Variants in COL24A1 observed in about 807,000 individuals in gnomAD.
COL24A1 encodes collagen type XXIV alpha 1 chain.
In COL24A1, 224 loss-of-function variants were observed where a neutral mutation model predicts 253.9. That is an observed-to-expected ratio of 0.88 (90% confidence interval 0.79 to 0.99). COL24A1 has a LOEUF of 0.99. Among genes scored for constraint, COL24A1 ranks in the 50% least tolerant of loss-of-function variants. The pLI is 0.00. For synonymous variants in COL24A1, 685 were observed against 673.7 expected, an observed-to-expected ratio of 1.02 and a Z score of -0.26; for missense variants, 2,131 against 2,068.5, an observed-to-expected ratio of 1.03 and a Z score of -0.59.
chr1:85,926,065 A>G (rs1425225801), intron 24 of COL24A1, among the ~76,000 whole-genome samples: 2 of 152,226 alleles, frequency 1.3e-5, no homozygotes, highest in Non-Finnish European at 2.9e-5. Context: ...CAACAGACAC[A>G]TGAAAAAAAT....
intron 20 of COL24A1, among the ~76,000 whole-genome samples, chr1:85,980,997 T>C (rs1353272372): frequency 6.6e-6 from 1 of 152,094 alleles, no homozygotes; most frequent in African/African-American, 2.4e-5. Context: ...AAAGAAATCA[T>C]AGATGACATA....
intron 14 of COL24A1, 42 bp from the exon 15 acceptor site, chr1:86,023,049 T>C (rs1162647731): frequency 6.3e-7 from 1 of 1,582,494 alleles, no homozygotes; most frequent in South Asian, 1.1e-5. Context: ...AAGCATTCAT[T>C]AGGATTAGAA....
At chr1:85,922,969 G>A (rs1269469126) in intron 24 of COL24A1, among the ~76,000 whole-genome samples, 8 of 145,798 alleles carry the variant, frequency 5.5e-5, no homozygotes, top group African/African-American at 1.8e-4. Context: ...ATGGATGGAG[G>A]AAGATCTACC....
chr1:86,111,941 C>T (rs189999161), intron 5 of COL24A1, among the ~76,000 whole-genome samples: 5 of 152,286 alleles, frequency 3.3e-5, no homozygotes, highest in Non-Finnish European at 1.5e-5. Context: ...GTCCGAACAT[C>T]AGAAGGAACA....
intron 39 of COL24A1, among the ~76,000 whole-genome samples, chr1:85,843,104 C>A (rs1558354424): frequency 6.6e-6 from 1 of 152,132 alleles, no homozygotes; most frequent in East Asian, 1.9e-4. Flanking sequence ...AGTCTCAAAA[C>A]AAATAGAAGA....
chr1:85,849,348 A>C lies in COL24A1; in HGVS notation c.3354+5T>G, dbSNP rs1046128193. 6.2e-7 allele frequency: 1 copy of C among 1,612,306 alleles called. No individual in the cohort carries two copies. Among genetic ancestry groups the C allele is most frequent in the African/African-American group, 1.3e-5 (1 of 74,868 alleles). On this transcript the variant is annotated splice_donor_5th_base_variant and intron_variant, in intron 38 of 59. Transcript: ENST00000370571. ...AAACCTGCATAAGAAGATGTAAAAA[A>C]TTACCTTTTTTCCTGGACGACCTCT...
chr1:85,830,896 G>C (rs186226928), intron 43 of COL24A1, among the ~76,000 whole-genome samples: 1 of 152,134 alleles, frequency 6.6e-6, no homozygotes, highest in African/African-American at 2.4e-5. Context: ...CGTTGCTCAC[G>C]CTGGGAGCTG....
At chr1:86,149,253 T>G (rs1403815546) in intron 1 of COL24A1, among the ~76,000 whole-genome samples, 1 of 152,178 alleles carries the variant, frequency 6.6e-6, no homozygotes, top group East Asian at 1.9e-4. Context: ...CCACAGAGAT[T>G]CTGATTTTAA....
chr1:86,125,456 T>C lies in COL24A1; in HGVS notation c.880A>G (p.Ile294Val). Residue 294 changes from isoleucine (I) to valine (V), a missense_variant, in exon 3 of 60, where the codon ATA becomes GTA. Transcript: ENST00000370571. ...TACACGGTTTCAGAATCATTTTTTA[T>C]GATATTTGGAATGCTTTTGCCTTCA... The part of the protein sequence containing the change: ...FTEGKSIPNI[I>V]KNDSETVYKR... 6.2e-7 allele frequency: 1 copy of C among 1,613,694 alleles called. No individual in the cohort carries two copies. Among genetic ancestry groups the C allele is most frequent in the Non-Finnish European group, 8.5e-7 (1 of 1,179,800 alleles).
At chr1:86,026,220 A>G (rs1698011051) in intron 14 of COL24A1, among the ~76,000 whole-genome samples, 1 of 152,230 alleles carries the variant, frequency 6.6e-6, no homozygotes, top group Non-Finnish European at 1.5e-5. Context: ...AGGAGCAAAT[A>G]AGATATGTAT....
chr1:86,140,921 A>T (rs975191704), intron 2 of COL24A1, among the ~76,000 whole-genome samples: 2 of 152,240 alleles, frequency 1.3e-5, no homozygotes, highest in African/African-American at 4.8e-5. Flanking sequence ...TACATCTATT[A>T]ATAAGGTACT....
At chr1:86,115,644 C>T (rs895715100) in intron 3 of COL24A1, among the ~76,000 whole-genome samples, 1 of 152,152 alleles carries the variant, frequency 6.6e-6, no homozygotes, top group Non-Finnish European at 1.5e-5. Flanking sequence ...AAAGGGACCA[C>T]AACTAGTAGT....
At chr1:86,132,371 T>A (rs1405375799) in intron 2 of COL24A1, among the ~76,000 whole-genome samples, 3 of 152,184 alleles carry the variant, frequency 2.0e-5, no homozygotes, top group Non-Finnish European at 2.9e-5. Flanking sequence ...TTAGTGTAGT[T>A]AGATCCCATT....
rs1699648793 is a variant in COL24A1 at position 86,043,352 on chromosome 1, TA to T, written c.1950+3472del. ...TACACCTTCTATCACCCACAAAAAT[TA>T]AAAAATAAAAAAATTAGAAAAAAAC... is the stretch of plus-strand genomic sequence containing the variant. On this transcript the variant is annotated intron_variant, in intron 12 of 59. Coordinates refer to ENST00000370571, the MANE Select transcript of COL24A1 (RefSeq NM_152890.7). 2.0e-5 allele frequency among the ~76,000 whole-genome samples: 3 copies of T among 151,498 alleles called. No individual in the cohort carries two copies. The East Asian group carries it at 5.8e-4, about 29-fold the overall frequency.
chr1:85,996,862 G>C (rs1373858376), intron 19 of COL24A1, among the ~76,000 whole-genome samples: 1 of 151,514 alleles, frequency 6.6e-6, no homozygotes, highest in African/African-American at 2.4e-5. Context: ...TGGGAAGTTA[G>C]GTGATTAAAA....
intron 2 of COL24A1, among the ~76,000 whole-genome samples, chr1:86,140,311 A>C (rs1283816201): frequency 6.6e-6 from 1 of 152,236 alleles, no homozygotes; most frequent in Non-Finnish European, 1.5e-5. Flanking sequence ...CCTGTGCTTA[A>C]ATACCACTGT....
At chr1:85,849,891 T>C (rs1677564603) in intron 37 of COL24A1, among the ~76,000 whole-genome samples, 1 of 152,132 alleles carries the variant, frequency 6.6e-6, no homozygotes, top group South Asian at 2.1e-4. Context: ...TGAAAGAAAG[T>C]ACAGAGTATA....
At chr1:85,849,601 A>G (rs962992443) in intron 37 of COL24A1, among the ~76,000 whole-genome samples, 195 bp from the exon 38 acceptor site, 1 of 152,184 alleles carries the variant, frequency 6.6e-6, no homozygotes, top group African/African-American at 2.4e-5. Flanking sequence ...TATTAGCTAT[A>G]AAGTTCACAT....
intron 12 of COL24A1, among the ~76,000 whole-genome samples, chr1:86,037,376 G>C (rs1699118875): frequency 6.6e-6 from 1 of 152,184 alleles, no homozygotes; most frequent in Non-Finnish European, 1.5e-5. Context: ...TGTCTTAGCA[G>C]CCTGGAGCTA....
Sources: allele counts gnomAD v4.1 joint callset (sites outside exome capture counted in the v4.1 genomes callset), GRCh38; gene constraint gnomAD v4.1.1; transcripts MANE v1.5; gene names NCBI Gene and HGNC (gene_info 2026-07-23, HGNC 2026-07-21).